Variants in USP21 observed in about 807,000 individuals in gnomAD.
The protein encoded by USP21 is ubiquitin specific peptidase 21.
In USP21, 37 loss-of-function variants were observed where a neutral mutation model predicts 70.8. The ratio of observed to expected loss-of-function variants is 0.52; its 90% confidence interval spans 0.40 to 0.69. USP21 has a LOEUF of 0.69. USP21 is among the 30% of genes least tolerant of loss of function. USP21 has a pLI of 0.00. For missense variants in USP21, 584 were observed against 740.8 expected, an observed-to-expected ratio of 0.79 and a Z score of 2.46; for synonymous variants, 263 against 283.1, an observed-to-expected ratio of 0.93 and a Z score of 0.71.
At chr1:161,163,730 A>G in intron 8 of USP21, 111 bp downstream of exon 8, 2 of 1,384,102 alleles carry the variant, frequency 1.4e-6, no homozygotes, top group East Asian at 2.3e-5. Flanking sequence ...GGATGATGCA[A>G]ATGTGAAGCT....
In USP21 at chr1:161,160,859, C is replaced by T. The variant is rs370790417; in HGVS notation, c.219C>T (p.Thr73=). 18 of 1,614,106 alleles carry T rather than the reference C, an allele frequency of 1.1e-5. No homozygotes were observed. Among genetic ancestry groups the T allele is most frequent in the Admixed American group, 3.3e-5 (2 of 60,012 alleles). The stretch of plus-strand genomic sequence containing the variant: ...AACTGGAGCTGGGACGGGGACGGAC[C>T]TCAGGCCCTCGTCCCAGAGGCCCCC... ...LKKLELGRGR[T]SGPRPRGPLR... The change falls in exon 3 of 14, where the codon ACC becomes ACT. Residue 73 remains threonine, a synonymous_variant. Coordinates refer to ENST00000368002, the MANE Select transcript of USP21 (RefSeq NM_001014443.3).
chr1:161,165,042 C>A lies in USP21; in HGVS notation c.1506C>A (p.Tyr502Ter). 1 of 1,614,068 alleles carries A rather than the reference C, an allele frequency of 6.2e-7. No individual in the cohort carries two copies. The highest frequency in any genetic ancestry group is 8.5e-7 in the Non-Finnish European group (1 of 1,180,006). The change falls in exon 13 of 14, where the codon TAC becomes TAA. Residue 502 changes from tyrosine to a stop codon, truncating the protein, a stop_gained. Transcript: ENST00000368002. LOFTEE classifies it high-confidence loss of function. ...FASDKAGSPV[Y>*]QLYALCNHSG... Reference sequence around the variant, plus strand: ...CCAACCCCGCAGGAAGTCCTGTATACCAGCTGTATGCCCTTTGCAACCACT... The same window carrying A: ...CCAACCCCGCAGGAAGTCCTGTATAACAGCTGTATGCCCTTTGCAACCACT...
At position 161,162,116 on chromosome 1, in the gene USP21, T is replaced by C; in HGVS notation, c.660+19T>C. The C allele has an allele frequency of 1.9e-6, 3 of 1,613,884 alleles. No individual in the cohort carries two copies. Among genetic ancestry groups the C allele is most frequent in the Non-Finnish European group, 2.5e-6 (3 of 1,179,868 alleles). On this transcript the variant is annotated intron_variant, in intron 4 of 13. Coordinates refer to ENST00000368002, the MANE Select transcript of USP21 (RefSeq NM_001014443.3). This position sits in a 1 kb window ranked among gnomAD's most constrained non-coding sequence, Gnocchi z 4.1. ...AAACACGGTGAGAGCTATTCTCCTA[T>C]CTTTCCTCTCTAAAAGGAATGTGAA...
In USP21 at chr1:161,164,676, G is replaced by C; in HGVS notation, c.1384+64G>C. 1.2e-6 allele frequency: 2 copies of C among 1,609,046 alleles called. No individual in the cohort carries two copies. The highest frequency in any genetic ancestry group is 1.7e-6 in the Non-Finnish European group (2 of 1,176,846). ...CTCCCATACATTCTCTTTCCTCCAT[G>C]TTTCCAGAGAATTGAATTTTCCTTA... On this transcript the variant is annotated intron_variant, in intron 11 of 13. Transcript: ENST00000368002. The surrounding 1 kb of genome is among the most constrained non-coding windows in gnomAD (Gnocchi z 4.2).
In USP21 at chr1:161,161,895, A is replaced by G. The variant is rs1482936712; in HGVS notation, c.601-143A>G. On this transcript the variant is annotated intron_variant, in intron 3 of 13. Transcript: ENST00000368002. The surrounding 1 kb of genome is among the most constrained non-coding windows in gnomAD (Gnocchi z 4.2). Reference sequence around the variant, plus strand: ...TCATGACCAGTGAGGTAGGGAGACTAGAATACCTAGTGAGGGGAATAGGGT... The same window carrying G: ...TCATGACCAGTGAGGTAGGGAGACTGGAATACCTAGTGAGGGGAATAGGGT... 5 of 785,486 alleles carry G rather than the reference A, an allele frequency of 6.4e-6. No homozygotes were observed. The African/African-American group carries it at 6.8e-5, about 11-fold the overall frequency. 48.7% of individuals were successfully genotyped at this position (785,486 alleles called of 1,614,324 possible). A position where few individuals can be genotyped will look rare whatever the true frequency, so the allele number is the denominator to read the frequency against.
intron 7 of USP21, 29 bp downstream of exon 7, chr1:161,163,103 C>T: frequency 6.4e-7 from 1 of 1,558,430 alleles, no homozygotes. Context: ...ACCTCCTTTC[C>T]CCGTAGTTTA....
In USP21 at chr1:161,162,715, C is replaced by T. The variant is rs1416462575; in HGVS notation, c.882C>T (p.Phe294=). 3 of 1,612,418 alleles carry T rather than the reference C, an allele frequency of 1.9e-6. No homozygotes were observed. The highest frequency in any genetic ancestry group is 1.7e-6 in the Non-Finnish European group (2 of 1,178,370). Residue 294 remains phenylalanine (F), a synonymous_variant, in exon 6 of 14, where the codon TTC becomes TTT. Coordinates refer to ENST00000368002, the MANE Select transcript of USP21 (RefSeq NM_001014443.3). This position sits in a 1 kb window ranked among gnomAD's most constrained non-coding sequence, Gnocchi z 4.1. ...TCTTCCAGAAATATGTTCCCTCCTT[C>T]TCTGGATACAGGTGGGAGAGCTGGA... ...RAVFQKYVPS[F]SGYSQQDAQE...
Position 161,164,115 on chromosome 1 carries a change from G to A in USP21, c.1219-49G>A. 3 of 1,603,888 alleles carry A rather than the reference G, an allele frequency of 1.9e-6. No homozygotes were observed. The highest frequency in any genetic ancestry group is 2.6e-6 in the Non-Finnish European group (3 of 1,170,924). On this transcript the variant is annotated intron_variant, in intron 9 of 13. Coordinates refer to ENST00000368002, the MANE Select transcript of USP21 (RefSeq NM_001014443.3). This position sits in a 1 kb window ranked among gnomAD's most constrained non-coding sequence, Gnocchi z 4.2. ...AAGCCTGGATTGATTGAGAAGAGTT[G>A]GAAAAGGAAATTCAGAACATGTTGA...
At chr1:161,160,159 G>A (rs1032106284) in intron 1 of USP21, among the ~76,000 whole-genome samples, 1 of 152,124 alleles carries the variant, frequency 6.6e-6, no homozygotes, top group East Asian at 1.9e-4. Context: ...AGTGACCCGA[G>A]GCACATCCTA....
rs1461298373 is a variant in USP21, at chr1:161,160,475, A to C, written c.-53A>C. ...GTGGTGATGACTGAGCCAACCACCTAATGTGGAAATGAGAGGACAGCAAGA... is the reference window on the plus strand; with the variant it reads ...GTGGTGATGACTGAGCCAACCACCTCATGTGGAAATGAGAGGACAGCAAGA... On this transcript the variant is annotated 5_prime_UTR_variant, in exon 2 of 14. An upstream open reading frame in the 5' UTR loses its in-frame stop. Coordinates refer to ENST00000368002, the MANE Select transcript of USP21 (RefSeq NM_001014443.3). 7 of 869,024 alleles carry C rather than the reference A, an allele frequency of 8.1e-6. No individual in the cohort carries two copies. Among genetic ancestry groups the C allele is most frequent in the South Asian group, 3.2e-5 (2 of 63,420 alleles). The allele number at this position is 869,024 out of a possible 1,614,324, so 53.8% of individuals were successfully genotyped here. A position where few individuals can be genotyped will look rare whatever the true frequency, so the allele number is the denominator to read the frequency against.
Position 161,161,792 on chromosome 1 carries a change from A to G in USP21, c.601-246A>G, listed in dbSNP as rs577399207. The stretch of plus-strand genomic sequence containing the variant: ...CAGGAGCTGCAACGTCAGCTAGCTG[A>G]GCAGAGGAGTAAGTGGGCAACAGGT... On this transcript the variant is annotated intron_variant, in intron 3 of 13. Transcript: ENST00000368002. This position sits in a 1 kb window ranked among gnomAD's most constrained non-coding sequence, Gnocchi z 4.2. 9.2e-5 allele frequency: 51 copies of G among 552,456 alleles called. No homozygotes were observed. The highest frequency in any genetic ancestry group is 8.0e-4 in the African/African-American group (42 of 52,830). The allele number at this position is 552,456 out of a possible 1,614,324, so 34.2% of individuals were successfully genotyped here.
intron 8 of USP21, 62 bp from the exon 9 acceptor site, chr1:161,163,816 C>T: frequency 1.3e-6 from 2 of 1,517,210 alleles, no homozygotes; most frequent in Admixed American, 1.7e-5. Context: ...GATGGAAATC[C>T]AAGAAATCAT....
chr1:161,164,725 C>G lies in USP21; in HGVS notation c.1385-110C>G. ...TAGGAAAAGTCTGCCACCCACTTTTCCACAAGATGCTCCCAGTGTGTCGGG... is the reference window on the plus strand; with the variant it reads ...TAGGAAAAGTCTGCCACCCACTTTTGCACAAGATGCTCCCAGTGTGTCGGG... On this transcript the variant is annotated intron_variant, in intron 11 of 13. Coordinates refer to ENST00000368002, the MANE Select transcript of USP21 (RefSeq NM_001014443.3). This position sits in a 1 kb window ranked among gnomAD's most constrained non-coding sequence, Gnocchi z 4.2. 6.2e-7 allele frequency: 1 copy of G among 1,600,716 alleles called. No homozygotes were observed. The highest frequency in any genetic ancestry group is 8.5e-7 in the Non-Finnish European group (1 of 1,171,614).
In USP21 at chr1:161,161,926, T is replaced by C; in HGVS notation, c.601-112T>C. 9.6e-7 allele frequency: 1 copy of C among 1,036,506 alleles called. No individual in the cohort carries two copies. Among genetic ancestry groups the C allele is most frequent in the South Asian group, 1.3e-5 (1 of 78,090 alleles). The allele number at this position is 1,036,506 out of a possible 1,614,324, so 64.2% of individuals were successfully genotyped here. ...CCTAGTGAGGGGAATAGGGTAGAGT[T>C]TGGGGATGAAACATGCATGGGATGG... On this transcript the variant is annotated intron_variant, in intron 3 of 13. Coordinates refer to ENST00000368002, the MANE Select transcript of USP21 (RefSeq NM_001014443.3). This position sits in a 1 kb window ranked among gnomAD's most constrained non-coding sequence, Gnocchi z 4.2.
rs765067375 is a variant in USP21 at position 161,163,543 on chromosome 1, G to T, written c.1050-12G>T. 3 of 1,613,814 alleles carry T rather than the reference G, an allele frequency of 1.9e-6. No individual in the cohort carries two copies. In the Admixed American group the frequency reaches 5.0e-5, roughly 27 times the overall value. ...CTCATGGGTGCTCCCCACTTCCTTT[G>T]ATCTGTGGTAGTGATGATGACCGAG... On this transcript the variant is annotated splice_polypyrimidine_tract_variant and intron_variant, in intron 7 of 13. Transcript: ENST00000368002.
intron 7 of USP21, among the ~76,000 whole-genome samples, chr1:161,163,295 G>A (rs967474613): frequency 3.3e-5 from 5 of 152,198 alleles, no homozygotes; most frequent in Non-Finnish European, 7.3e-5. Flanking sequence ...TCACCAAATT[G>A]AAGAAGGGGA....
At position 161,162,374 on chromosome 1, in the gene USP21, C is replaced by T. The variant is rs1393162113; in HGVS notation, c.765C>T (p.Ala255=). Reference sequence around the variant, plus strand: ...AAGAGGTGCCTGGAGGAGGCCGAGCCCAAGAGCTCACTGAAGGTGGGGCAA... The same window carrying T: ...AAGAGGTGCCTGGAGGAGGCCGAGCTCAAGAGCTCACTGAAGGTGGGGCAA... ...FRQEVPGGGR[A]QELTEAFADV... is the part of the protein sequence containing the mutation. The change falls in exon 5 of 14, where the codon GCC becomes GCT. Residue 255 remains alanine (A), a synonymous_variant. Transcript: ENST00000368002. The surrounding 1 kb of genome is among the most constrained non-coding windows in gnomAD (Gnocchi z 4.1). The T allele has an allele frequency of 6.2e-7, 1 of 1,610,370 alleles. No individual in the cohort carries two copies. Among genetic ancestry groups the T allele is most frequent in the Non-Finnish European group, 8.5e-7 (1 of 1,178,208 alleles).
Position 161,160,660 on chromosome 1 carries a change from A to G in USP21, c.20A>G (p.His7Arg), listed in dbSNP as rs1571276424. Reference protein sequence around the residue: MPQASEHRLGRTREPPV... With the variant: MPQASERRLGRTREPPV... ...TCCACAATGCCCCAGGCCTCTGAGC[A>G]CCGCCTGGGCCGTACCCGAGAGCCA... Residue 7 changes from histidine (H) to arginine (R), a missense_variant, in exon 3 of 14, where the codon CAC (histidine) becomes CGC (arginine). This residue lies in a region of USP21 where 284 missense variants were observed against 281.0 expected (regional missense o/e 1.01). Coordinates refer to ENST00000368002, the MANE Select transcript of USP21 (RefSeq NM_001014443.3). 6.2e-7 allele frequency: 1 copy of G among 1,613,176 alleles called. No homozygotes were observed. The highest frequency in any genetic ancestry group is 1.7e-5 in the Admixed American group (1 of 59,954).
rs748611022 is a variant in USP21 at position 161,161,275 on chromosome 1, A to T, written c.600+35A>T. The stretch of plus-strand genomic sequence containing the variant: ...TGCCACACACATGGCCTTCATGCCC[A>T]TGTTCCTCTGTGCTTTCCTGCCATC... On this transcript the variant is annotated intron_variant, in intron 3 of 13. Transcript: ENST00000368002. The surrounding 1 kb of genome is among the most constrained non-coding windows in gnomAD (Gnocchi z 4.2). 1.3e-6 allele frequency: 2 copies of T among 1,546,106 alleles called. No homozygotes were observed. Among genetic ancestry groups the T allele is most frequent in the Non-Finnish European group, 1.7e-6 (2 of 1,147,218 alleles).
Sources: gnomAD v4.1 joint callset for allele counts (sites outside exome capture counted in the v4.1 genomes callset) on GRCh38, gnomAD v4.1.1 for gene constraint, gnomAD v4.1.1 regional missense constraint, Gnocchi (gnomAD v3.1) non-coding constraint, MANE v1.5 for transcripts, NCBI Gene and HGNC (gene_info 2026-07-23, HGNC 2026-07-21) for gene names.